NCOA3: variants seen among roughly 807,000 people sequenced by gnomAD.
NCOA3 encodes the protein CBP-interacting protein.
A neutral mutation model predicts 158.8 loss-of-function variants in NCOA3; 51 were observed. The ratio of observed to expected loss-of-function variants is 0.32; its 90% confidence interval spans 0.26 to 0.41. The LOEUF is 0.41. NCOA3 is among the 10% of genes least tolerant of loss of function. The pLI, the probability that NCOA3 is intolerant of heterozygous loss-of-function variation, is 1.00. For synonymous variants in NCOA3, 537 were observed against 592.4 expected (o/e 0.91, Z 1.36); for missense variants, 1,510 against 1,746.6 (o/e 0.86, Z 2.41).
At chr20:47,600,405 A>G (rs187840687) in intron 2 of NCOA3, among the ~76,000 whole-genome samples, 226 of 151,684 alleles carry the variant, frequency 1.5e-3, no homozygotes, top group African/African-American at 5.1e-3. Context: ...CGAACTCGTG[A>G]CCTCAGACAA....
intron 2 of NCOA3, among the ~76,000 whole-genome samples, chr20:47,584,158 A>G (rs1217565078): frequency 6.6e-6 from 1 of 151,896 alleles, no homozygotes; most frequent in Non-Finnish European, 1.5e-5. Flanking sequence ...TTAGCTAGCA[A>G]GGTGGTGTGC....
intron 1 of NCOA3, among the ~76,000 whole-genome samples, chr20:47,517,670 C>T (rs1041285471): frequency 1.3e-5 from 2 of 151,924 alleles, no homozygotes; most frequent in Admixed American, 6.6e-5. Context: ...AGGCTGTTCT[C>T]GAACTCCTAA....
chr20:47,611,594 C>A (rs1031460084), intron 2 of NCOA3, among the ~76,000 whole-genome samples: 5 of 152,084 alleles, frequency 3.3e-5, no homozygotes, highest in African/African-American at 1.2e-4. Flanking sequence ...GAGTTCGAGA[C>A]CAGCCTGGCC....
chr20:47,642,424 G>C (rs778643633), intron 17 of NCOA3, 40 bp downstream of exon 17: 2 of 1,485,270 alleles, frequency 1.3e-6, no homozygotes, highest in Admixed American at 4.6e-5. Flanking sequence ...GTGTATATTT[G>C]TGTGTGTGCG....
chr20:47,561,235 A>G (rs933355339), intron 1 of NCOA3, among the ~76,000 whole-genome samples: 4 of 150,420 alleles, frequency 2.7e-5, no homozygotes, highest in Non-Finnish European at 4.4e-5. Context: ...TCAGCCTCCT[A>G]AAGTGCTGGG....
At chr20:47,605,758 T>G (rs1258756505) in intron 2 of NCOA3, among the ~76,000 whole-genome samples, 4 of 152,220 alleles carry the variant, frequency 2.6e-5, no homozygotes, top group Non-Finnish European at 5.9e-5. Flanking sequence ...TTGTCATGTT[T>G]GAGCGTAACT....
At chr20:47,532,414 CAGTG>C (rs3092480) in intron 1 of NCOA3, among the ~76,000 whole-genome samples, 22,265 of 151,946 alleles carry the variant, frequency 0.15, 2,422 homozygotes, top group African/African-American at 0.3. Context: ...TGAGAGGTAA[CAGTG>C]AGGCCTTGCA....
At chr20:47,530,034 C>G (rs751408369) in intron 1 of NCOA3, among the ~76,000 whole-genome samples, 19 of 152,208 alleles carry the variant, frequency 1.2e-4, no homozygotes, top group Non-Finnish European at 2.4e-4. Context: ...ACTGCAGTTG[C>G]ACTCTGAGTG....
chr20:47,641,360 C>T (rs1266264377), intron 16 of NCOA3, among the ~76,000 whole-genome samples: 1 of 137,228 alleles, frequency 7.3e-6, no homozygotes, highest in East Asian at 2.1e-4. Context: ...CGGAATCTGG[C>T]TCTGTCGCCC....
rs890242617 is a variant in NCOA3 at position 47,502,002 on chromosome 20, G to A, written c.-116G>A. 4 of 399,180 alleles carry A rather than the reference G, an allele frequency of 1.0e-5. No homozygotes were observed. The highest frequency in any genetic ancestry group is 4.1e-5 in the African/African-American group (2 of 48,590). 24.7% of individuals were successfully genotyped at this position (399,180 alleles called of 1,614,324 possible). A position where few individuals can be genotyped will look rare whatever the true frequency, so the allele number is the denominator to read the frequency against. ...TTTCCGATTTAAAGCTGAGCTGCGA[G>A]GAAAATGGCGGCGGGAGGTGAGTGG... On this transcript the variant is annotated 5_prime_UTR_variant, in exon 1 of 23. Coordinates refer to ENST00000371998, the MANE Select transcript of NCOA3 (RefSeq NM_181659.3).
At chr20:47,582,216 A>G (rs1387035347) in intron 1 of NCOA3, among the ~76,000 whole-genome samples, 9 of 151,998 alleles carry the variant, frequency 5.9e-5, no homozygotes, top group Non-Finnish European at 1.5e-5. Context: ...TAATTAATTA[A>G]TTTACTTATT....
rs1377761287 is a variant in NCOA3, at chr20:47,653,573, AC to A, written c.*157del. On this transcript the variant is annotated 3_prime_UTR_variant, in exon 23 of 23. Transcript: ENST00000371998. ...TTTTAAGTGATGTCATTTGAGCAGG[AC>A]TGGATTTTAAGCCGAAGGGCAATAT... 1.7e-5 allele frequency: 15 copies of A among 898,556 alleles called. No individual in the cohort carries two copies. The Admixed American group carries it at 3.4e-4, about 20-fold the overall frequency. The allele number at this position is 898,556 out of a possible 1,614,324, so 55.7% of individuals were successfully genotyped here.
intron 1 of NCOA3, among the ~76,000 whole-genome samples, chr20:47,582,675 G>A (rs2085471869): frequency 6.6e-6 from 1 of 152,104 alleles, no homozygotes. Context: ...CCCTATGCTT[G>A]ACTTTTCAAA....
chr20:47,535,481 C>T (rs966182042), intron 1 of NCOA3, among the ~76,000 whole-genome samples: 2 of 151,960 alleles, frequency 1.3e-5, no homozygotes, highest in South Asian at 4.1e-4. Context: ...TCGGATCACA[C>T]ACGGACTTGG....
intron 1 of NCOA3, among the ~76,000 whole-genome samples, chr20:47,532,044 G>C (rs1365257370): frequency 1.3e-5 from 2 of 151,590 alleles, no homozygotes; most frequent in Non-Finnish European, 2.9e-5. Context: ...CTATTCCTTA[G>C]ATGTTAGGAA....
chr20:47,576,469 CAGGCTAAAGAA>C (rs567458945), intron 1 of NCOA3, among the ~76,000 whole-genome samples: 42 of 152,224 alleles, frequency 2.8e-4, no homozygotes, highest in Non-Finnish European at 5.3e-4. Flanking sequence ...TTAGATACTA[CAGGCTAAAGAA>C]ACTCAGATTT....
intron 8 of NCOA3, chr20:47,628,409 C>CT (rs72374784): frequency 0.084 from 11,747 of 139,118 alleles, 513 homozygotes; most frequent in Non-Finnish European, 0.11. Flanking sequence ...GGAGTAATTC[C>CT]TTTTTTTTTT....
chr20:47,653,760 TTAAA>T lies in NCOA3; in HGVS notation c.*346_*349del, dbSNP rs2086834040. On this transcript the variant is annotated 3_prime_UTR_variant, in exon 23 of 23. Transcript: ENST00000371998. ...TTTCTGCCTTGCTAGCCAAAATCTC[TTAAA>T]TACACGTAGGTGGGCCAGAGAACAT... is the stretch of plus-strand genomic sequence containing the variant. 3.0e-6 allele frequency: 1 copy of T among 334,710 alleles called. No homozygotes were observed. Among genetic ancestry groups the T allele is most frequent in the African/African-American group, 2.1e-5 (1 of 47,306 alleles). The allele number at this position is 334,710 out of a possible 1,614,324, so 20.7% of individuals were successfully genotyped here.
At chr20:47,628,214 C>T (rs1046843730) in intron 8 of NCOA3, among the ~76,000 whole-genome samples, 191 bp downstream of exon 8, 11 of 151,490 alleles carry the variant, frequency 7.3e-5, no homozygotes, top group African/African-American at 2.7e-4. Context: ...AAATTCTTGG[C>T]ATTTGAATTG....
Sources: allele counts gnomAD v4.1 joint callset (sites outside exome capture counted in the v4.1 genomes callset), GRCh38; gene constraint gnomAD v4.1.1; transcripts MANE v1.5; gene names NCBI Gene and HGNC (gene_info 2026-07-23, HGNC 2026-07-21).